ABAT: variants seen among roughly 807,000 people sequenced by gnomAD.
ABAT encodes 4-aminobutyrate aminotransferase, mitochondrial.
Under a neutral mutation model 64.6 loss-of-function variants are expected in ABAT, and 45 were observed. That is an observed-to-expected ratio of 0.70 (90% CI 0.55 to 0.89). ABAT has a LOEUF of 0.89. ABAT is among the 40% of genes least tolerant of loss of function. The probability of loss-of-function intolerance (pLI) is 0.00; values close to 1 mark genes in which losing one functional copy is unlikely to be tolerated. For synonymous variants in ABAT, 297 were observed against 250.5 expected (o/e 1.19, Z -1.75); for missense variants, 633 against 658.4 (o/e 0.96, Z 0.42).
chr16:8,764,991 C>T lies in ABAT; in HGVS notation c.540+161C>T, dbSNP rs549608611. Among the ~76,000 whole-genome samples the T allele has an allele frequency of 3.9e-4, 60 of 152,184 alleles. No individual in the cohort carries two copies. The highest frequency in any genetic ancestry group is 1.3e-3 in the African/African-American group (53 of 41,512). On this transcript the variant is annotated intron_variant, in intron 8 of 15. Coordinates refer to ENST00000268251, the MANE Select transcript of ABAT (RefSeq NM_020686.6). The surrounding 1 kb of genome is among the most constrained non-coding windows in gnomAD (Gnocchi z 4.2). ...GCCACTGCTGGATGGTACTTTGAGA[C>T]GGCACAGTGGGGTATGGTGCAGAGG...
chr16:8,750,624 T>C (rs1222019545), intron 5 of ABAT, 85 bp downstream of exon 5: 2 of 1,225,058 alleles, frequency 1.6e-6, no homozygotes, highest in Non-Finnish European at 2.4e-6. Context: ...GGATGTGGCT[T>C]CCAGCAGGCA....
chr16:8,686,724 A>G (rs1483569942), intron 1 of ABAT, among the ~76,000 whole-genome samples: 1 of 152,146 alleles, frequency 6.6e-6, no homozygotes, highest in African/African-American at 2.4e-5. Flanking sequence ...ACCCACATGG[A>G]CGCCTCTGCA....
At chr16:8,763,963 C>G in intron 6 of ABAT, 106 bp from the exon 7 acceptor site, 2 of 934,142 alleles carry the variant, frequency 2.1e-6, no homozygotes, top group Non-Finnish European at 3.5e-6. Flanking sequence ...TCCTGCAACC[C>G]CATTTGGAGG....
Position 8,735,758 on chromosome 16 carries a change from G to T in ABAT, c.19G>T (p.Ala7Ser). Reference protein sequence around the residue: MASMLLAQRLACSFQHS... With the variant: MASMLLSQRLACSFQHS... ...AGGGGTCATGGCCTCCATGTTGCTC[G>T]CCCAGCGCCTGGCCTGCAGCTTCCA... is the stretch of plus-strand genomic sequence containing the variant. Residue 7 changes from alanine (A) to serine (S), a missense_variant, in exon 2 of 16, where the codon GCC (alanine) becomes TCC (serine). Transcript: ENST00000268251. 6 of 1,606,512 alleles carry T rather than the reference G, an allele frequency of 3.7e-6. No individual in the cohort carries two copies. The highest frequency in any genetic ancestry group is 5.1e-6 in the Non-Finnish European group (6 of 1,176,766).
At chr16:8,685,468 G>A (rs532592749) in intron 1 of ABAT, among the ~76,000 whole-genome samples, 5 of 151,944 alleles carry the variant, frequency 3.3e-5, no homozygotes, top group Non-Finnish European at 5.9e-5. Context: ...TCAGGAGTTC[G>A]CGACCAACTT....
intron 2 of ABAT, among the ~76,000 whole-genome samples, chr16:8,744,511 G>T (rs572614500): frequency 6.6e-6 from 1 of 151,866 alleles, no homozygotes; most frequent in African/African-American, 2.4e-5. Context: ...GGGATTACAG[G>T]TGCCTGCCAC....
At chr16:8,715,120 C>G (rs1267725637) in intron 1 of ABAT, 1 of 152,226 alleles carries the variant, frequency 6.6e-6, no homozygotes, top group Non-Finnish European at 1.5e-5. Context: ...CACATTTGCC[C>G]GTGAGCTGCA....
intron 1 of ABAT, among the ~76,000 whole-genome samples, chr16:8,702,473 G>A (rs913215200): frequency 1.3e-5 from 2 of 152,036 alleles, no homozygotes; most frequent in African/African-American, 2.4e-5. Flanking sequence ...GGCTGGTCTC[G>A]AACTCCTGAC....
At chr16:8,779,212 T>C (rs1050374207) in intron 14 of ABAT, among the ~76,000 whole-genome samples, 2 of 152,206 alleles carry the variant, frequency 1.3e-5, no homozygotes, top group African/African-American at 4.8e-5. Flanking sequence ...CCCAAGGTTA[T>C]ACAGTGAGAG....
intron 1 of ABAT, among the ~76,000 whole-genome samples, chr16:8,702,312 G>A (rs2057841750): frequency 6.6e-6 from 1 of 151,902 alleles, no homozygotes; most frequent in Non-Finnish European, 1.5e-5. Flanking sequence ...GAGTGCAATG[G>A]CACGATCTTG....
chr16:8,732,799 C>G (rs1301065993), intron 1 of ABAT, among the ~76,000 whole-genome samples: 5 of 149,398 alleles, frequency 3.3e-5, no homozygotes, highest in Non-Finnish European at 7.4e-5. Context: ...TAGGGGCGGC[C>G]GGGCAGAGGC....
intron 11 of ABAT, among the ~76,000 whole-genome samples, chr16:8,771,075 C>T (rs1212062569): frequency 6.6e-6 from 1 of 152,124 alleles, no homozygotes; most frequent in African/African-American, 2.4e-5. Context: ...GCGGGCAGAT[C>T]ACCTGAGGTC....
intron 2 of ABAT, 59 bp from the exon 3 acceptor site, chr16:8,745,942 C>G (rs547697607): frequency 1.8e-4 from 273 of 1,533,238 alleles, no homozygotes; most frequent in Non-Finnish European, 2.3e-4. Context: ...TCTGTCAGGG[C>G]AGAATCCTCA....
rs1489309438 is a variant in ABAT at position 8,772,828 on chromosome 16, G to A, written c.865G>A (p.Gly289Arg). ...KYRKKKKTVA[G>R]IIVEPIQSEG... is the part of the protein sequence containing the mutation. ...TCGGAAAAAGAAGAAGACGGTGGCCGGGATCATCGTGGAGCCCATCCAGTC... is the reference window on the plus strand; with the variant it reads ...TCGGAAAAAGAAGAAGACGGTGGCCAGGATCATCGTGGAGCCCATCCAGTC... The change falls in exon 12 of 16, where the codon GGG (glycine) becomes AGG (arginine). Residue 289 changes from glycine to arginine, a missense_variant. Coordinates refer to ENST00000268251, the MANE Select transcript of ABAT (RefSeq NM_020686.6). 3.1e-6 allele frequency: 5 copies of A among 1,614,106 alleles called. No individual in the cohort carries two copies. Among genetic ancestry groups the A allele is most frequent in the Non-Finnish European group, 4.2e-6 (5 of 1,180,022 alleles).
At chr16:8,744,980 T>C (rs77775976) in intron 2 of ABAT, among the ~76,000 whole-genome samples, 3,279 of 152,208 alleles carry the variant, frequency 0.022, 117 homozygotes, top group African/African-American at 0.073. Flanking sequence ...GTAGGTTGTT[T>C]TCCCTTTGTT....
chr16:8,686,513 C>T (rs2057460009), intron 1 of ABAT, among the ~76,000 whole-genome samples: 1 of 152,206 alleles, frequency 6.6e-6, no homozygotes, highest in South Asian at 2.1e-4. Flanking sequence ...GTAGTAGCCA[C>T]TCACATTGGC....
rs201590198 is a variant in ABAT at position 8,758,018 on chromosome 16, T to C, written c.366+212T>C. ...GGAGGCAGTCAATTAACCACACACA[T>C]GAATAGAGAATTGCAACAATATTAA... On this transcript the variant is annotated intron_variant, in intron 6 of 15. Transcript: ENST00000268251. 3.3e-5 allele frequency among the ~76,000 whole-genome samples: 5 copies of C among 152,088 alleles called. No individual in the cohort carries two copies. The East Asian group carries it at 5.8e-4, about 18-fold the overall frequency.
In ABAT at chr16:8,746,009, C is replaced by G; in HGVS notation, c.79C>G (p.His27Asp). The G allele has an allele frequency of 6.2e-7, 1 of 1,613,908 alleles. No homozygotes were observed. Reference sequence around the variant, plus strand: ...GTCTTTGTTTACTGCAGGATCCAGACACATTAGTCAAGCTGCAGCCAAAGT... The same window carrying G: ...GTCTTTGTTTACTGCAGGATCCAGAGACATTAGTCAAGCTGCAGCCAAAGT... ...SYRLLVPGSRHISQAAAKVDV... is the reference protein window; with the variant it reads ...SYRLLVPGSRDISQAAAKVDV... The change falls in exon 3 of 16, where the codon CAC (histidine) becomes GAC (aspartate). Residue 27 changes from histidine (H) to aspartate (D), a missense_variant. By Grantham distance (81) the His-to-Asp change is moderately conservative. Transcript: ENST00000268251.
chr16:8,687,096 A>C (rs1567270480), intron 1 of ABAT, among the ~76,000 whole-genome samples: 1 of 152,122 alleles, frequency 6.6e-6, no homozygotes, highest in African/African-American at 2.4e-5. Context: ...CTTGAGAGGA[A>C]GAGATGGTGG....
Sources: allele counts gnomAD v4.1 joint callset (sites outside exome capture counted in the v4.1 genomes callset), GRCh38; gene constraint gnomAD v4.1.1; non-coding constraint Gnocchi (gnomAD v3.1); transcripts MANE v1.5; gene names NCBI Gene and HGNC (gene_info 2026-07-23, HGNC 2026-07-21).